Variants in IL17RC observed in about 807,000 individuals in gnomAD.
IL17RC encodes interleukin 17 receptor C.
Under a neutral mutation model 86.7 loss-of-function variants are expected in IL17RC, and 53 were observed. The observed-to-expected ratio is 0.61, with a 90% confidence interval of 0.49 to 0.77. IL17RC has a LOEUF of 0.77. Ranked by LOEUF, IL17RC falls within the 30% of genes least tolerant of loss-of-function variation. The pLI, the probability that IL17RC is intolerant of heterozygous loss-of-function variation, is 0.00. For missense variants in IL17RC, 957 were observed against 940.0 expected (o/e 1.02, Z -0.24); for synonymous variants, 439 against 413.1 (o/e 1.06, Z -0.76).
chr3:9,933,476 G>T lies in IL17RC; in HGVS notation c.2046G>T (p.Glu682Asp), dbSNP rs1200179885. 1.9e-6 allele frequency: 3 copies of T among 1,612,530 alleles called. No homozygotes were observed. The highest frequency in any genetic ancestry group is 1.7e-6 in the Non-Finnish European group (2 of 1,179,678). ...CCGGGCGGCTCCAAGAGAGAGCGGA[G>T]CAAGTGTCCCGGGCCCTTCAGCCAG... ...PRSGRLQERA[E>D]QVSRALQPAL... The change falls in exon 19 of 19, where the codon GAG becomes GAT. Residue 682 changes from glutamate (E) to aspartate (D), a missense_variant. By Grantham distance (45) the Glu-to-Asp change is conservative (BLOSUM62 2). Coordinates refer to ENST00000403601, the MANE Select transcript of IL17RC (RefSeq NM_153460.4).
At chr3:9,931,753 C>T (rs948907257) in intron 16 of IL17RC, among the ~76,000 whole-genome samples, 7 of 151,662 alleles carry the variant, frequency 4.6e-5, no homozygotes, top group African/African-American at 7.3e-5. Flanking sequence ...GATCCGCCCG[C>T]GTCGGCCTCC....
At chr3:9,918,110 AC>A (rs2083257443) in intron 3 of IL17RC, 35 bp downstream of exon 3, 1 of 1,549,258 alleles carries the variant, frequency 6.5e-7, no homozygotes, top group South Asian at 1.2e-5. Context: ...GCATGTGTAC[AC>A]GTGAGTGTGT....
chr3:9,920,377 C>T (rs1290431739), intron 5 of IL17RC, 114 bp from the exon 6 acceptor site: 20 of 672,084 alleles, frequency 3.0e-5, no homozygotes, highest in Middle Eastern at 5.1e-4. Context: ...TAAATACAGT[C>T]ATTAGTTGGG....
intron 18 of IL17RC, 22 bp downstream of exon 18, chr3:9,932,880 G>A: frequency 6.3e-7 from 1 of 1,589,914 alleles, no homozygotes; most frequent in Non-Finnish European, 8.5e-7. Context: ...CAAGCGCTGG[G>A]CGGAGGGCCG....
intron 6 of IL17RC, 148 bp downstream of exon 6, chr3:9,920,750 C>A: frequency 1.3e-6 from 1 of 772,122 alleles, no homozygotes; most frequent in Non-Finnish European, 2.2e-6. Context: ...GACCTTCTCT[C>A]TCTGGGTGAT....
At chr3:9,922,765 C>G (rs986414087) in intron 7 of IL17RC, among the ~76,000 whole-genome samples, 1 of 151,918 alleles carries the variant, frequency 6.6e-6, no homozygotes, top group Admixed American at 6.6e-5. Context: ...CAGGGATGGT[C>G]TCATTCTGGT....
intron 1 of IL17RC, 35 bp from the exon 2 acceptor site, chr3:9,917,678 G>A (rs1393433739): frequency 1.9e-6 from 3 of 1,613,806 alleles, no homozygotes; most frequent in Non-Finnish European, 2.5e-6. Context: ...GATGGTGGGG[G>A]CACAAATTCT....
In IL17RC at chr3:9,930,167, C is replaced by G; in HGVS notation, c.1278+18C>G. 31 of 1,613,532 alleles carry G rather than the reference C, an allele frequency of 1.9e-5. No homozygotes were observed. Among genetic ancestry groups the G allele is most frequent in the Non-Finnish European group, 2.6e-5 (31 of 1,179,744 alleles). ...CCTCCACGGTTAGGACTGGGCGACC[C>G]TCCTCCACAGATCTCTCCAAATGCA... On this transcript the variant is annotated intron_variant, in intron 14 of 18. Transcript: ENST00000403601. The surrounding 1 kb of genome is among the most constrained non-coding windows in gnomAD (Gnocchi z 5.8).
At chr3:9,931,536 T>G (rs925932870) in intron 16 of IL17RC, among the ~76,000 whole-genome samples, 6 of 150,632 alleles carry the variant, frequency 4.0e-5, no homozygotes, top group African/African-American at 1.5e-4. Context: ...AGGCAGAGTC[T>G]CACTCTGTTG....
chr3:9,919,559 T>C (rs1205488068), intron 5 of IL17RC, among the ~76,000 whole-genome samples: 1 of 151,980 alleles, frequency 6.6e-6, no homozygotes, highest in Non-Finnish European at 1.5e-5. Flanking sequence ...GGCAGGAGAA[T>C]GGCGTGAACC....
At chr3:9,929,469 A>C in intron 12 of IL17RC, 1 of 240,112 alleles carries the variant, frequency 4.2e-6, no homozygotes, top group Non-Finnish European at 8.3e-6. Flanking sequence ...CAGACATTGT[A>C]AATAAATCAT....
rs1475955104 is a variant in IL17RC at position 9,917,494 on chromosome 3, C to T, written c.105+74C>T. 3 of 1,614,070 alleles carry T rather than the reference C, an allele frequency of 1.9e-6. No individual in the cohort carries two copies. Among genetic ancestry groups the T allele is most frequent in the African/African-American group, 2.7e-5 (2 of 74,930 alleles). ...TTGGCTCAGCAAAGCCTTAGCCTGG[C>T]TCCTGTCACTGCTGCCACTGCCAGA... On this transcript the variant is annotated intron_variant, in intron 1 of 18. Transcript: ENST00000403601.
At chr3:9,928,076 C>G in intron 9 of IL17RC, 90 bp from the exon 10 acceptor site, 1 of 1,224,632 alleles carries the variant, frequency 8.2e-7, no homozygotes, top group South Asian at 1.3e-5. Context: ...TTGTGAAATA[C>G]CTGCTGAATG....
intron 17 of IL17RC, 29 bp from the exon 18 acceptor site, chr3:9,932,791 T>C (rs1028286743): frequency 5.7e-6 from 9 of 1,580,210 alleles, no homozygotes; most frequent in Non-Finnish European, 7.7e-6. Context: ...CCGAGCTCAC[T>C]GGCTGCCTCC....
At position 9,930,291 on chromosome 3, in the gene IL17RC, CAA is replaced by C. The variant is rs891914787; in HGVS notation, c.1279-107_1279-106del. The C allele has an allele frequency of 5.9e-6, 9 of 1,522,982 alleles. No homozygotes were observed. The Admixed American group carries it at 6.8e-5, about 12-fold the overall frequency. The allele number at this position is 1,522,982 out of a possible 1,614,324, so 94.3% of individuals were successfully genotyped here. The stretch of plus-strand genomic sequence containing the variant: ...CCAGGGCCATATTCAGCGGCATCAC[CAA>C]AGTCTCCCAGTCCCCTCTACCTCAT... On this transcript the variant is annotated intron_variant, in intron 14 of 18. Coordinates refer to ENST00000403601, the MANE Select transcript of IL17RC (RefSeq NM_153460.4). The surrounding 1 kb of genome is among the most constrained non-coding windows in gnomAD (Gnocchi z 5.8).
intron 7 of IL17RC, among the ~76,000 whole-genome samples, chr3:9,922,046 G>A (rs2083621883): frequency 7.1e-6 from 1 of 141,424 alleles, no homozygotes; most frequent in Non-Finnish European, 1.5e-5. Context: ...TCTGCCTTCT[G>A]GGTTCAAGCG....
At chr3:9,926,465 T>A (rs147747892) in intron 9 of IL17RC, among the ~76,000 whole-genome samples, 3 of 152,304 alleles carry the variant, frequency 2.0e-5, no homozygotes, top group African/African-American at 7.2e-5. Context: ...AATGAGTGTT[T>A]TACTAATTTA....
chr3:9,930,508 C>T lies in IL17RC; in HGVS notation c.1338+49C>T. The T allele has an allele frequency of 6.4e-7, 1 of 1,561,884 alleles. No individual in the cohort carries two copies. The highest frequency in any genetic ancestry group is 8.8e-7 in the Non-Finnish European group (1 of 1,134,502). ...CACCTCAATGCCTAGGGGCAACAGG[C>T]CTAAAACTAGCACTCACCTACTGTC... is the stretch of plus-strand genomic sequence containing the variant. On this transcript the variant is annotated intron_variant, in intron 15 of 18. Coordinates refer to ENST00000403601, the MANE Select transcript of IL17RC (RefSeq NM_153460.4). The surrounding 1 kb of genome is among the most constrained non-coding windows in gnomAD (Gnocchi z 5.8).
Position 9,920,561 on chromosome 3 carries a change from C to T in IL17RC, c.536C>T (p.Pro179Leu). 1 of 1,608,588 alleles carries T rather than the reference C, an allele frequency of 6.2e-7. No individual in the cohort carries two copies. Among genetic ancestry groups the T allele is most frequent in the Non-Finnish European group, 8.5e-7 (1 of 1,176,994 alleles). ...SEVRIWSYTQ[P>L]RYEKELNHTQ... ...GTACGAATCTGGTCCTATACTCAGC[C>T]CAGGTACGAGAAGGAACTCAACCAC... The change falls in exon 6 of 19, where the codon CCC (proline) becomes CTC (leucine). Residue 179 changes from proline to leucine, a missense_variant. By Grantham distance (98) the Pro-to-Leu change is moderately conservative. Transcript: ENST00000403601.
Sources: gnomAD v4.1 joint callset for allele counts (sites outside exome capture counted in the v4.1 genomes callset) on GRCh38, gnomAD v4.1.1 for gene constraint, Gnocchi (gnomAD v3.1) non-coding constraint, MANE v1.5 for transcripts, NCBI Gene and HGNC (gene_info 2026-07-23, HGNC 2026-07-21) for gene names.